PCDH15: variants seen among roughly 807,000 people sequenced by gnomAD.
PCDH15 encodes protocadherin related 15.
In PCDH15, 129 loss-of-function variants were observed where a neutral mutation model predicts 178.5. That is an observed-to-expected ratio of 0.72 (90% CI 0.63 to 0.84). PCDH15 has a LOEUF of 0.84. Ranked by LOEUF, PCDH15 falls within the 40% of genes least tolerant of loss-of-function variation. PCDH15 has a pLI of 0.00. For missense variants in PCDH15, 2,230 were observed against 2,099.9 expected, an observed-to-expected ratio of 1.06 and a Z score of -1.21; for synonymous variants, 800 against 732.0, an observed-to-expected ratio of 1.09 and a Z score of -1.50.
intron 3 of PCDH15, among the ~76,000 whole-genome samples, chr10:54,442,713 G>A (rs1449540352): frequency 2.0e-5 from 3 of 150,902 alleles, no homozygotes; most frequent in African/African-American, 7.3e-5. Flanking sequence ...CTGTCTTCAT[G>A]AAGTTTAAAT....
intron 1 of PCDH15, among the ~76,000 whole-genome samples, chr10:54,725,487 T>G (rs1416293860): frequency 6.8e-6 from 1 of 147,248 alleles, no homozygotes; most frequent in East Asian, 2.0e-4. Context: ...GACGAGTCTG[T>G]GCAACACAGT....
At chr10:55,370,157 CTGTT>C (rs1348462215) in intron 2 of PCDH15, among the ~76,000 whole-genome samples, 1 of 152,036 alleles carries the variant, frequency 6.6e-6, no homozygotes, top group African/African-American at 2.4e-5. Context: ...TTCTCATTGT[CTGTT>C]TGAAATAAAT....
At chr10:54,068,709 G>A (rs896682845) in intron 17 of PCDH15, among the ~76,000 whole-genome samples, 6 of 152,272 alleles carry the variant, frequency 3.9e-5, no homozygotes, top group Admixed American at 3.3e-4. Context: ...ATCGAATAGC[G>A]ACAGAAATGA....
chr10:54,527,982 CAATCT>C, intron 2 of PCDH15, 105 bp from the exon 3 acceptor site: 1 of 883,938 alleles, frequency 1.1e-6, no homozygotes, highest in Non-Finnish European at 1.8e-6. Context: ...GAAAATCTTG[CAATCT>C]AATTAATATG....
chr10:54,765,963 A>G (rs1276463012), intron 1 of PCDH15, among the ~76,000 whole-genome samples: 2 of 152,168 alleles, frequency 1.3e-5, no homozygotes, highest in Non-Finnish European at 2.9e-5. Flanking sequence ...ATAACTTTAC[A>G]CTAAATACTC....
intron 8 of PCDH15, among the ~76,000 whole-genome samples, chr10:54,308,241 A>T (rs2133428748): frequency 6.6e-6 from 1 of 152,250 alleles, no homozygotes; most frequent in East Asian, 1.9e-4. Context: ...CATCAGGGAC[A>T]AGCTTAAGGA....
chr10:53,819,117 T>C (rs2076165499), intron 33 of PCDH15, among the ~76,000 whole-genome samples: 1 of 152,054 alleles, frequency 6.6e-6, no homozygotes, highest in Non-Finnish European at 1.5e-5. Context: ...CCTTTAGAAA[T>C]TGTAGACATT....
chr10:53,940,952 G>T lies in PCDH15; in HGVS notation c.3146C>A (p.Ala1049Asp). 1 of 1,612,994 alleles carries T rather than the reference G, an allele frequency of 6.2e-7. No individual in the cohort carries two copies. Among genetic ancestry groups the T allele is most frequent in the South Asian group, 1.1e-5 (1 of 91,056 alleles). ...EYRPPPVSEL[A>D]TKGTMVGVIS... is the part of the protein sequence containing the mutation. ...TACACCAACCATGGTCCCTTTGGTGGCAAGTTCACTTACTGGAGGAGGTCT... is the reference window on the plus strand; with the variant it reads ...TACACCAACCATGGTCCCTTTGGTGTCAAGTTCACTTACTGGAGGAGGTCT... The change falls in exon 24 of 38, where the codon GCC (alanine) becomes GAC (aspartate). Residue 1049 changes from alanine (A) to aspartate (D), a missense_variant. By Grantham distance (126) the Ala-to-Asp change is moderately radical. Transcript: ENST00000644397.
intron 8 of PCDH15, among the ~76,000 whole-genome samples, chr10:54,238,677 T>TCTCTCTCTCACACACAAACA (rs1186937599): frequency 1.0e-4 from 15 of 144,362 alleles, no homozygotes; most frequent in African/African-American, 3.2e-4. Context: ...TCTCTCTCTC[T>TCTCTCTCTCACACACAAACA]CACACACACA....
intron 3 of PCDH15, among the ~76,000 whole-genome samples, chr10:54,883,101 G>T (rs113113725): frequency 2.0e-4 from 31 of 151,890 alleles, no homozygotes; most frequent in African/African-American, 6.8e-4. Flanking sequence ...AGAGAAAGTG[G>T]TTTTTCTCTG....
intron 2 of PCDH15, among the ~76,000 whole-genome samples, chr10:55,452,866 A>G (rs1839466133): frequency 6.6e-6 from 1 of 152,200 alleles, no homozygotes; most frequent in Admixed American, 6.6e-5. Flanking sequence ...TTGATATCCT[A>G]GTAATACCTT....
intron 2 of PCDH15, among the ~76,000 whole-genome samples, chr10:54,540,685 A>T (rs888889455): frequency 1.3e-5 from 2 of 152,050 alleles, no homozygotes; most frequent in African/African-American, 2.4e-5. Flanking sequence ...TGATACCAAA[A>T]CCTGTTAAAG....
At chr10:54,942,077 A>C (rs1055508427) in intron 2 of PCDH15, among the ~76,000 whole-genome samples, 1 of 152,052 alleles carries the variant, frequency 6.6e-6, no homozygotes, top group Non-Finnish European at 1.5e-5. Context: ...TCAGAATAGG[A>C]CTGATTTTCA....
intron 26 of PCDH15, among the ~76,000 whole-genome samples, chr10:53,895,291 C>T (rs1316883933): frequency 6.6e-6 from 1 of 152,106 alleles, no homozygotes; most frequent in Non-Finnish European, 1.5e-5. Context: ...TTTCTATCTA[C>T]GGCATCACTC....
At chr10:54,628,993 A>AT (rs917728019) in intron 2 of PCDH15, among the ~76,000 whole-genome samples, 121 of 151,830 alleles carry the variant, frequency 8.0e-4, no homozygotes, top group African/African-American at 2.9e-3. Context: ...CACACACACA[A>AT]TTTTTTTGGT....
intron 9 of PCDH15, among the ~76,000 whole-genome samples, chr10:54,224,017 G>T (rs539768337): frequency 5.3e-5 from 8 of 152,094 alleles, no homozygotes; most frequent in South Asian, 2.1e-4. Flanking sequence ...TACTTCAAAG[G>T]AGCACTACCT....
intron 2 of PCDH15, among the ~76,000 whole-genome samples, chr10:55,625,978 C>A (rs778856363): frequency 6.6e-6 from 1 of 151,986 alleles, no homozygotes; most frequent in Non-Finnish European, 1.5e-5. Flanking sequence ...AGTATATACC[C>A]AGGAAATGTA....
intron 25 of PCDH15, among the ~76,000 whole-genome samples, chr10:53,932,168 C>T (rs2085117989): frequency 6.6e-6 from 1 of 152,104 alleles, no homozygotes; most frequent in African/African-American, 2.4e-5. Flanking sequence ...CAGTTAATTC[C>T]AGTTTGTCAT....
chr10:55,397,265 T>G (rs1353778303), intron 2 of PCDH15, among the ~76,000 whole-genome samples: 6 of 152,196 alleles, frequency 3.9e-5, no homozygotes, highest in African/African-American at 1.4e-4. Context: ...TGTTCTACAT[T>G]GAGAGTTGTC....
Sources: allele counts gnomAD v4.1 joint callset (sites outside exome capture counted in the v4.1 genomes callset), GRCh38; gene constraint gnomAD v4.1.1; transcripts MANE v1.5; gene names NCBI Gene and HGNC (gene_info 2026-07-23, HGNC 2026-07-21).